SUCLG2: variants seen among roughly 807,000 people sequenced by gnomAD.
SUCLG2 encodes succinate-CoA ligase GDP-forming subunit beta.
Under a neutral mutation model 47.9 loss-of-function variants are expected in SUCLG2, and 42 were observed. That is an observed-to-expected ratio of 0.88 (90% CI 0.69 to 1.14). The LOEUF (loss-of-function observed/expected upper bound fraction) is 1.14. Ranked by LOEUF, SUCLG2 falls within the 50% of genes most tolerant of loss-of-function variation. The pLI is 0.00. For missense variants in SUCLG2, 571 were observed against 525.9 expected (o/e 1.09, Z -0.84); for synonymous variants, 195 against 197.3 (o/e 0.99, Z 0.10).
intron 9 of SUCLG2, among the ~76,000 whole-genome samples, chr3:67,466,266 T>G (rs1417157200): frequency 6.6e-6 from 1 of 152,190 alleles, no homozygotes; most frequent in East Asian, 1.9e-4. Context: ...GGCAAGATAA[T>G]TGCTTGAACC....
chr3:67,374,233 C>T (rs191784164), downstream of SUCLG2, among the ~76,000 whole-genome samples: 117 of 152,306 alleles, frequency 7.7e-4, no homozygotes, highest in African/African-American at 2.8e-3. Flanking sequence ...TAAGACTGAT[C>T]TATCCAATAG....
chr3:67,615,621 AACACACACACAC>A (rs60992383), intron 1 of SUCLG2, among the ~76,000 whole-genome samples: 2 of 142,086 alleles, frequency 1.4e-5, no homozygotes, highest in Non-Finnish European at 3.1e-5. Context: ...CACAAACACA[AACACACACACAC>A]ACACACACAC....
intron 10 of SUCLG2, among the ~76,000 whole-genome samples, chr3:67,384,396 A>T (rs1702218525): frequency 6.6e-6 from 1 of 152,132 alleles, no homozygotes; most frequent in Admixed American, 6.6e-5. Flanking sequence ...TGTTTTTGTT[A>T]AAAAAAGATT....
downstream of SUCLG2, among the ~76,000 whole-genome samples, chr3:67,372,298 A>G (rs1701965889): frequency 6.6e-6 from 1 of 152,220 alleles, no homozygotes; most frequent in Admixed American, 6.5e-5. Flanking sequence ...ACGAAACTCA[A>G]GAGGAGCAAC....
rs1706074299 is a variant in SUCLG2, at chr3:67,520,599, T to G, written c.453A>C (p.Glu151Asp). The G allele has an allele frequency of 1.9e-6, 3 of 1,613,678 alleles. No individual in the cohort carries two copies. In the African/African-American group the frequency reaches 4.0e-5, roughly 22 times the overall value. Reference protein sequence around the residue: ...MVAEALDISRETYLAILMDRS... With the variant: ...MVAEALDISRDTYLAILMDRS... ...GGTCCATCAGAATTGCCAGGTAGGTTTCTCTGGAAATATCCAAGGCTTCAG... is the reference window on the plus strand; with the variant it reads ...GGTCCATCAGAATTGCCAGGTAGGTGTCTCTGGAAATATCCAAGGCTTCAG... The change falls in exon 5 of 11, where the codon GAA becomes GAC. Residue 151 changes from glutamate (E) to aspartate (D), a missense_variant. Physicochemically the swap from Glu to Asp is conservative, Grantham distance 45 (BLOSUM62 2). Coordinates refer to ENST00000307227, the MANE Select transcript of SUCLG2 (RefSeq NM_003848.4).
chr3:67,435,894 T>A (rs1229869210), intron 9 of SUCLG2, among the ~76,000 whole-genome samples: 1 of 152,228 alleles, frequency 6.6e-6, no homozygotes, highest in Non-Finnish European at 1.5e-5. Context: ...TCATATATTT[T>A]AGACTGAAGT....
chr3:67,455,203 A>G (rs1481707935), intron 9 of SUCLG2, among the ~76,000 whole-genome samples: 1 of 152,118 alleles, frequency 6.6e-6, no homozygotes, highest in African/African-American at 2.4e-5. Flanking sequence ...TTTGTCCCTG[A>G]ATTGTAGCAA....
At chr3:67,615,450 C>A (rs986751174) in intron 1 of SUCLG2, among the ~76,000 whole-genome samples, 3 of 152,100 alleles carry the variant, frequency 2.0e-5, no homozygotes, top group African/African-American at 7.2e-5. Flanking sequence ...CTCCAGCCTT[C>A]TTCAGCTCGA....
intron 8 of SUCLG2, among the ~76,000 whole-genome samples, chr3:67,497,154 C>T (rs181517466): frequency 6.6e-6 from 1 of 152,200 alleles, no homozygotes; most frequent in Non-Finnish European, 1.5e-5. Flanking sequence ...GTTATTGCTC[C>T]AATACAAAGC....
intron 9 of SUCLG2, among the ~76,000 whole-genome samples, chr3:67,403,837 C>CA (rs1250303746): frequency 6.6e-6 from 1 of 152,112 alleles, no homozygotes; most frequent in East Asian, 1.9e-4. Flanking sequence ...TTGTCAGGTG[C>CA]CAGATGCCAG....
chr3:67,460,156 C>T (rs1275104184), intron 9 of SUCLG2, among the ~76,000 whole-genome samples: 1 of 152,120 alleles, frequency 6.6e-6, no homozygotes, highest in Non-Finnish European at 1.5e-5. Context: ...CTGCCTTATA[C>T]CAATTAATTT....
Position 67,374,801 on chromosome 3 carries a change from C to G in SUCLG2, c.*943G>C. On this transcript the variant is annotated 3_prime_UTR_variant, in exon 11 of 11. Coordinates refer to ENST00000307227, the MANE Select transcript of SUCLG2 (RefSeq NM_003848.4). ...TTTAAACAAAAATTTTATCCAAATCCTTTCCCACAACAAAATTGGACATCA... is the reference window on the plus strand; with the variant it reads ...TTTAAACAAAAATTTTATCCAAATCGTTTCCCACAACAAAATTGGACATCA... 1 of 981,984 alleles carries G rather than the reference C, an allele frequency of 1.0e-6. No individual in the cohort carries two copies. The highest frequency in any genetic ancestry group is 1.2e-6 in the Non-Finnish European group (1 of 828,380). 60.8% of individuals were successfully genotyped at this position (981,984 alleles called of 1,614,324 possible). A position where few individuals can be genotyped will look rare whatever the true frequency, so the allele number is the denominator to read the frequency against.
intron 7 of SUCLG2, among the ~76,000 whole-genome samples, chr3:67,499,023 A>C (rs1452039648): frequency 6.6e-6 from 1 of 152,154 alleles, no homozygotes; most frequent in Non-Finnish European, 1.5e-5. Context: ...AATATGAACG[A>C]AGTTTGGTAT....
At chr3:67,555,691 T>A (rs1707142914) in intron 2 of SUCLG2, among the ~76,000 whole-genome samples, 1 of 152,188 alleles carries the variant, frequency 6.6e-6, no homozygotes, top group African/African-American at 2.4e-5. Context: ...TCGTAAGTCT[T>A]TGATGATATA....
At chr3:67,421,302 T>C in intron 9 of SUCLG2, among the ~76,000 whole-genome samples, 1 of 152,166 alleles carries the variant, frequency 6.6e-6, no homozygotes, top group Non-Finnish European at 1.5e-5. Context: ...ACATATGCTA[T>C]TACAGTATAA....
intron 10 of SUCLG2, 65 bp downstream of exon 10, chr3:67,400,666 G>C: frequency 1.3e-6 from 2 of 1,589,218 alleles, no homozygotes; most frequent in Non-Finnish European, 1.7e-6. Flanking sequence ...TGTGAATCCA[G>C]AACATGCTGG....
intron 9 of SUCLG2, among the ~76,000 whole-genome samples, chr3:67,448,609 T>C (rs1703982487): frequency 6.6e-6 from 1 of 152,192 alleles, no homozygotes. Context: ...GGTCTCAAAT[T>C]CCCGACCTCA....
intron 9 of SUCLG2, among the ~76,000 whole-genome samples, chr3:67,462,627 T>C (rs1366093545): frequency 6.6e-6 from 1 of 152,236 alleles, no homozygotes; most frequent in Non-Finnish European, 1.5e-5. Flanking sequence ...CTGTATCTTC[T>C]GTAACATCCT....
At chr3:67,619,195 C>T (rs1427229010) in intron 1 of SUCLG2, among the ~76,000 whole-genome samples, 2 of 152,186 alleles carry the variant, frequency 1.3e-5, no homozygotes, top group Non-Finnish European at 2.9e-5. Context: ...AAATCAAATA[C>T]TAGTGAACAT....
Sources: allele counts gnomAD v4.1 joint callset (sites outside exome capture counted in the v4.1 genomes callset), GRCh38; gene constraint gnomAD v4.1.1; transcripts MANE v1.5; gene names NCBI Gene and HGNC (gene_info 2026-07-23, HGNC 2026-07-21).